The following RASGRF1 variants were observed in gnomAD, a reference collection of about 807,000 sequenced individuals.
The protein encoded by RASGRF1 is Ras protein specific guanine nucleotide releasing factor 1.
RASGRF1 carries 40 observed loss-of-function variants against 138.7 expected under a neutral mutation model. The observed-to-expected ratio is 0.29, with a 90% CI of 0.22 to 0.38. RASGRF1 has a LOEUF of 0.38. Ranked by LOEUF, RASGRF1 falls within the 10% of genes least tolerant of loss-of-function variation. The probability of loss-of-function intolerance (pLI) is 1.00; values close to 1 mark genes in which losing one functional copy is unlikely to be tolerated. For missense variants in RASGRF1, 1,108 were observed against 1,650.4 expected, an observed-to-expected ratio of 0.67 and a Z score of 5.69; for synonymous variants, 614 against 663.2, an observed-to-expected ratio of 0.93 and a Z score of 1.14.
Position 79,032,369 on chromosome 15 carries a change from A to C in RASGRF1, c.959-53T>G. On this transcript the variant is annotated intron_variant, in intron 6 of 26. Transcript: ENST00000558480. This position sits in a 1 kb window ranked among gnomAD's most constrained non-coding sequence, Gnocchi z 4.5. ...GCTAGGGCAGCTTGGTGGGGACAGA[A>C]TCCCCTAGGCCCTTGGCTCCCCCAG... 1.3e-6 allele frequency: 2 copies of C among 1,558,302 alleles called. No homozygotes were observed. The highest frequency in any genetic ancestry group is 1.8e-6 in the Non-Finnish European group (2 of 1,135,902).
intron 24 of RASGRF1, among the ~76,000 whole-genome samples, chr15:78,974,903 G>A (rs951425343): frequency 6.6e-6 from 1 of 152,000 alleles, no homozygotes; most frequent in African/African-American, 2.4e-5. Flanking sequence ...TTTCTTTTTG[G>A]GAAAAAGTGA....
At chr15:79,082,283 A>G (rs191031657) in intron 1 of RASGRF1, among the ~76,000 whole-genome samples, 47 of 152,302 alleles carry the variant, frequency 3.1e-4, no homozygotes, top group African/African-American at 1.1e-3. Context: ...AAATAAAGCC[A>G]GGTGGCTCAC....
intron 23 of RASGRF1, chr15:78,984,778 T>C: frequency 1.7e-6 from 1 of 571,554 alleles, no homozygotes; most frequent in Non-Finnish European, 3.2e-6. Flanking sequence ...CACTTTGAGG[T>C]ATTAATTACT....
intron 10 of RASGRF1, among the ~76,000 whole-genome samples, chr15:79,022,755 T>A (rs1211421212): frequency 5.9e-5 from 9 of 152,210 alleles, no homozygotes; most frequent in Admixed American, 5.9e-4. Flanking sequence ...AGCTAATTTG[T>A]GGCCATGTGA....
At chr15:78,996,558 GGA>G (rs1366539974) in intron 19 of RASGRF1, among the ~76,000 whole-genome samples, 4 of 152,316 alleles carry the variant, frequency 2.6e-5, no homozygotes, top group South Asian at 4.1e-4. Flanking sequence ...TCCCGCAGCT[GGA>G]GCATGGTGGG....
At chr15:79,025,613 G>C in intron 9 of RASGRF1, 139 bp from the exon 10 acceptor site, 2 of 1,060,068 alleles carry the variant, frequency 1.9e-6, no homozygotes, top group South Asian at 3.3e-5. Flanking sequence ...GTGCCCCTGG[G>C]ATACTCCTTT....
At chr15:79,020,967 C>T (rs183680743) in intron 10 of RASGRF1, among the ~76,000 whole-genome samples, 4 of 152,338 alleles carry the variant, frequency 2.6e-5, no homozygotes, top group Non-Finnish European at 5.9e-5. Flanking sequence ...CTTGCATCAC[C>T]TGTTGTGGGG....
intron 24 of RASGRF1, chr15:78,979,182 C>G (rs2055959477): frequency 1.6e-6 from 2 of 1,285,492 alleles, no homozygotes; most frequent in South Asian, 2.5e-5. Flanking sequence ...GACGGCTGGA[C>G]AGCACAGATG....
At chr15:78,968,864 A>G (rs1398512428) in intron 26 of RASGRF1, among the ~76,000 whole-genome samples, 4 of 152,216 alleles carry the variant, frequency 2.6e-5, no homozygotes, top group South Asian at 2.1e-4. Context: ...TATCTGCTCA[A>G]ATTCTTCATT....
Position 78,992,656 on chromosome 15 carries a change from G to A in RASGRF1, c.3028-862C>T, listed in dbSNP as rs561450467. On this transcript the variant is annotated intron_variant, in intron 20 of 26. Coordinates refer to ENST00000558480, the MANE Select transcript of RASGRF1 (RefSeq NM_001145648.3). ...ACCACCTGGGCCACACAGGAGGAGA[G>A]CGGTCAACCCCTCAGGCAGCAGGTG... Among the ~76,000 whole-genome samples, 3 of 152,322 alleles carry A rather than the reference G, an allele frequency of 2.0e-5. No homozygotes were observed. In the South Asian group the frequency reaches 6.2e-4, roughly 32 times the overall value.
chr15:79,057,636 G>A (rs1389348861), intron 3 of RASGRF1, among the ~76,000 whole-genome samples: 1 of 152,208 alleles, frequency 6.6e-6, no homozygotes, highest in Non-Finnish European at 1.5e-5. Context: ...GGGACTAAGA[G>A]CTAGTGCTTC....
chr15:79,054,143 A>G (rs2057476050), intron 3 of RASGRF1, among the ~76,000 whole-genome samples: 1 of 152,234 alleles, frequency 6.6e-6, no homozygotes, highest in African/African-American at 2.4e-5. Context: ...CCAATGGCCA[A>G]TGGTAGAAGC....
At chr15:78,993,994 A>T (rs2141669978) in intron 20 of RASGRF1, among the ~76,000 whole-genome samples, 1 of 152,300 alleles carries the variant, frequency 6.6e-6, no homozygotes, top group South Asian at 2.1e-4. Flanking sequence ...TGCCCCACAC[A>T]GGCTCTGGGG....
At chr15:79,077,023 T>C (rs1363044397) in intron 1 of RASGRF1, among the ~76,000 whole-genome samples, 1 of 152,020 alleles carries the variant, frequency 6.6e-6, no homozygotes. Context: ...CTGGAAGGGG[T>C]TGGGGGGACT....
At chr15:78,994,492 C>A (rs2056347912) in intron 20 of RASGRF1, among the ~76,000 whole-genome samples, 1 of 152,208 alleles carries the variant, frequency 6.6e-6, no homozygotes, top group African/African-American at 2.4e-5. Flanking sequence ...CAGCATGGCA[C>A]AATCTCTGCC....
chr15:79,076,649 T>C (rs1430363687), intron 1 of RASGRF1, among the ~76,000 whole-genome samples: 5 of 152,148 alleles, frequency 3.3e-5, no homozygotes, highest in Non-Finnish European at 7.4e-5. Context: ...GAGGTGGTGA[T>C]GGAATCAAGT....
intron 9 of RASGRF1, among the ~76,000 whole-genome samples, chr15:79,025,894 T>C (rs1380944424): frequency 1.4e-5 from 2 of 146,522 alleles, no homozygotes; most frequent in Non-Finnish European, 3.0e-5. Flanking sequence ...CTGCCTCCCA[T>C]CCTACTTGTA....
chr15:79,045,714 C>A (rs1346706776), intron 5 of RASGRF1, among the ~76,000 whole-genome samples: 12 of 152,228 alleles, frequency 7.9e-5, no homozygotes, highest in Admixed American at 7.9e-4. Context: ...CTCACAACCT[C>A]ATACATCCCC....
At chr15:78,964,347 G>A (rs1301723434) in intron 26 of RASGRF1, among the ~76,000 whole-genome samples, 2 of 151,750 alleles carry the variant, frequency 1.3e-5, no homozygotes, top group African/African-American at 4.8e-5. Flanking sequence ...GCTAATTTTT[G>A]TATTATTAGT....
Sources: allele counts gnomAD v4.1 joint callset (sites outside exome capture counted in the v4.1 genomes callset), GRCh38; gene constraint gnomAD v4.1.1; non-coding constraint Gnocchi (gnomAD v3.1); transcripts MANE v1.5; gene names NCBI Gene and HGNC (gene_info 2026-07-23, HGNC 2026-07-21).